FLI1: variants seen among roughly 807,000 people sequenced by gnomAD.
The protein encoded by FLI1 is Fli-1 proto-oncogene, ETS transcription factor.
A neutral mutation model predicts 53.1 loss-of-function variants in FLI1; 13 were observed. The ratio of observed to expected loss-of-function variants is 0.24; its 90% CI spans 0.16 to 0.39. The LOEUF (loss-of-function observed/expected upper bound fraction) is 0.39, where lower values mean the gene tolerates loss of function less well. Among genes scored for constraint, FLI1 ranks in the 10% least tolerant of loss-of-function variants. FLI1 has a pLI of 1.00. For synonymous variants in FLI1, 244 were observed against 236.7 expected (o/e 1.03, Z -0.28); for missense variants, 424 against 600.5 (o/e 0.71, Z 3.07).
chr11:128,773,876 A>C (rs1941651224), intron 4 of FLI1, among the ~76,000 whole-genome samples: 1 of 151,936 alleles, frequency 6.6e-6, no homozygotes, highest in Admixed American at 6.6e-5. Flanking sequence ...ACACTACGTA[A>C]GAGCATTCTA....
intron 1 of FLI1, among the ~76,000 whole-genome samples, chr11:128,743,128 C>T (rs77219235): frequency 0.025 from 3,774 of 151,672 alleles, 182 homozygotes; most frequent in African/African-American, 0.086. Flanking sequence ...TGGCTCATGC[C>T]CGTAATCCTA....
chr11:128,685,831 G>C (rs1252607330), upstream of FLI1, among the ~76,000 whole-genome samples: 1 of 152,016 alleles, frequency 6.6e-6, no homozygotes, highest in Non-Finnish European at 1.5e-5. Context: ...TTAAGAGAAG[G>C]AAGGAAAGGA....
intron 1 of FLI1, among the ~76,000 whole-genome samples, chr11:128,701,185 T>A (rs607670): frequency 6.6e-6 from 1 of 151,986 alleles, no homozygotes; most frequent in South Asian, 2.1e-4. Context: ...CCAGATGACA[T>A]AAAACTGTGA....
chr11:128,703,855 AAAAAAAAAC>A (rs1255213310), intron 1 of FLI1, among the ~76,000 whole-genome samples: 3 of 151,208 alleles, frequency 2.0e-5, no homozygotes, highest in Admixed American at 6.6e-5. Context: ...AAAAAAAAAA[AAAAAAAAAC>A]AAACGTTAAG....
rs1404293971 is a variant in FLI1 at position 128,810,144 on chromosome 11, G to GA, written c.830-314dup. ...ATTCAAAAGCCTTGCCAAAGGGATT[G>GA]AGGGGGGATATGGCTCACCCAAGAT... On this transcript the variant is annotated intron_variant, in intron 8 of 8. Transcript: ENST00000527786. The surrounding 1 kb of genome is among the most constrained non-coding windows in gnomAD (Gnocchi z 6.6). 6.6e-6 allele frequency among the ~76,000 whole-genome samples: 1 copy of GA among 151,674 alleles called. No homozygotes were observed.
chr11:128,722,178 A>T (rs1939281828), intron 1 of FLI1, among the ~76,000 whole-genome samples: 1 of 152,230 alleles, frequency 6.6e-6, no homozygotes. Context: ...GACGTGACTT[A>T]ACCATATGAC....
At chr11:128,751,598 CT>C (rs1940648199) in intron 1 of FLI1, among the ~76,000 whole-genome samples, 1 of 151,512 alleles carries the variant, frequency 6.6e-6, no homozygotes, top group Non-Finnish European at 1.5e-5. Context: ...GTGATCTCGG[CT>C]CACTGCAAGC....
At chr11:128,803,316 C>T (rs1009134400) in intron 5 of FLI1, among the ~76,000 whole-genome samples, 14 of 152,188 alleles carry the variant, frequency 9.2e-5, no homozygotes, top group East Asian at 1.9e-4. Context: ...CCACCTGCAA[C>T]GCCAAGGTCC....
chr11:128,724,694 G>A (rs1423873429), intron 1 of FLI1, among the ~76,000 whole-genome samples: 1 of 152,162 alleles, frequency 6.6e-6, no homozygotes, highest in Admixed American at 6.5e-5. Context: ...GGAGAAACAA[G>A]AGCACACATC....
At chr11:128,726,777 G>A (rs755729429) in intron 1 of FLI1, among the ~76,000 whole-genome samples, 4 of 152,164 alleles carry the variant, frequency 2.6e-5, no homozygotes, top group South Asian at 2.1e-4. Flanking sequence ...CAGAGGACAC[G>A]GTTGTAAAAA....
intron 5 of FLI1, among the ~76,000 whole-genome samples, chr11:128,792,746 T>C (rs945755613): frequency 1.3e-5 from 2 of 152,126 alleles, no homozygotes. Context: ...TTTAAGAGGA[T>C]AAAGGAAAAC....
At chr11:128,690,974 T>A (rs1481490653), upstream of FLI1, among the ~76,000 whole-genome samples, 1 of 151,966 alleles carries the variant, frequency 6.6e-6, no homozygotes, top group Non-Finnish European at 1.5e-5. Context: ...TGTGCACAAG[T>A]GTGTGGGCAG....
chr11:128,758,242 A>G lies in FLI1; in HGVS notation c.146A>G (p.Asn49Ser). The change falls in exon 2 of 9, where the codon AAC becomes AGC. Residue 49 changes from asparagine (N) to serine (S), a missense_variant. Physicochemically the swap from Asn to Ser is conservative, Grantham distance 46. Transcript: ENST00000527786. Reference sequence around the variant, plus strand: ...GACTACGGGCAGCCCCACAAGATCAACCCCCTCCCACCACAGCAGGAGTGG... The same window carrying G: ...GACTACGGGCAGCCCCACAAGATCAGCCCCCTCCCACCACAGCAGGAGTGG... ...SPDYGQPHKI[N>S]PLPPQQEWIN... is the part of the protein sequence containing the mutation. 2.5e-6 allele frequency: 4 copies of G among 1,612,860 alleles called. No individual in the cohort carries two copies. Among genetic ancestry groups the G allele is most frequent in the Non-Finnish European group, 3.4e-6 (4 of 1,179,510 alleles).
intron 1 of FLI1, among the ~76,000 whole-genome samples, chr11:128,729,449 G>A (rs1053428292): frequency 1.3e-5 from 2 of 152,200 alleles, no homozygotes; most frequent in African/African-American, 4.8e-5. Flanking sequence ...TGTGTGTTCA[G>A]CTTTCAGTGA....
intron 1 of FLI1, among the ~76,000 whole-genome samples, chr11:128,716,501 G>A (rs554226510): frequency 6.4e-4 from 97 of 152,344 alleles, no homozygotes; most frequent in Admixed American, 1.3e-3. Context: ...GAAGCTGATC[G>A]TGGGGGTTTT....
At chr11:128,718,552 G>A (rs1469662162) in intron 1 of FLI1, among the ~76,000 whole-genome samples, 2 of 152,224 alleles carry the variant, frequency 1.3e-5, no homozygotes, top group African/African-American at 2.4e-5. Flanking sequence ...GGGGCGGGAA[G>A]GAGTAGGTGG....
At chr11:128,807,781 G>A (rs1942825112) in intron 7 of FLI1, among the ~76,000 whole-genome samples, 2 of 152,102 alleles carry the variant, frequency 1.3e-5, no homozygotes, top group Admixed American at 6.5e-5. Context: ...GTAAAACAGG[G>A]CGTTGACTTT....
chr11:128,718,898 G>T (rs934993590), intron 1 of FLI1, among the ~76,000 whole-genome samples: 14 of 152,034 alleles, frequency 9.2e-5, no homozygotes, highest in African/African-American at 3.4e-4. Flanking sequence ...ATCCAAATTG[G>T]GCTGAAAAAA....
At chr11:128,766,324 C>T (rs1017291166) in intron 2 of FLI1, among the ~76,000 whole-genome samples, 2 of 152,228 alleles carry the variant, frequency 1.3e-5, no homozygotes, top group Non-Finnish European at 2.9e-5. Context: ...GACGTTAAAC[C>T]TTCAGCAATC....
Sources: gnomAD v4.1 joint callset for allele counts (sites outside exome capture counted in the v4.1 genomes callset) on GRCh38, gnomAD v4.1.1 for gene constraint, Gnocchi (gnomAD v3.1) non-coding constraint, MANE v1.5 for transcripts, NCBI Gene and HGNC (gene_info 2026-07-23, HGNC 2026-07-21) for gene names.